The following EBF1 variants were observed in gnomAD, a reference collection of about 807,000 sequenced individuals.
EBF1 encodes the protein EBF transcription factor 1, also known as transcription factor COE1.
A neutral mutation model predicts 68.4 loss-of-function variants in EBF1; 10 were observed. The ratio of observed to expected loss-of-function variants is 0.15; its 90% confidence interval spans 0.09 to 0.25. EBF1 has a LOEUF of 0.25. Among genes scored for constraint, EBF1 ranks in the 10% least tolerant of loss-of-function variants. The pLI, the probability that EBF1 is intolerant of heterozygous loss-of-function variation, is 1.00. For synonymous variants in EBF1, 298 were observed against 299.8 expected (o/e 0.99, Z 0.06); for missense variants, 509 against 794.4 (o/e 0.64, Z 4.32).
chr5:158,959,314 C>T lies in EBF1; in HGVS notation c.554+114082G>A, dbSNP rs1283978266. ...AAGAATTTTTTTTTTTTTTTTGAGA[C>T]GGAGTCTTACTCTGTCACCCTAGTT... On this transcript the variant is annotated intron_variant, in intron 6 of 15. Transcript: ENST00000313708. Among the ~76,000 whole-genome samples the T allele has an allele frequency of 6.5e-5, 9 of 139,522 alleles. 1 individual carries two copies. The highest frequency in any genetic ancestry group is 2.9e-4 in the Admixed American group (4 of 13,806). The allele number at this position is 139,522 out of a possible 152,430, so 91.5% of individuals were successfully genotyped here.
At chr5:158,850,824 T>G (rs897263926) in intron 6 of EBF1, among the ~76,000 whole-genome samples, 1 of 152,010 alleles carries the variant, frequency 6.6e-6, no homozygotes, top group African/African-American at 2.4e-5. Flanking sequence ...CTGACCAACA[T>G]GGTGAAACCC....
At position 158,839,880 on chromosome 5, in the gene EBF1, T is replaced by A. The variant is rs935880928; in HGVS notation, c.636+149A>T. Reference sequence around the variant, plus strand: ...CCCACTCTTCTCTAATCTAAACAACTGCTAGATTGCAGATACCTGGGGGAC... The same window carrying A: ...CCCACTCTTCTCTAATCTAAACAACAGCTAGATTGCAGATACCTGGGGGAC... On this transcript the variant is annotated intron_variant, in intron 7 of 15. Transcript: ENST00000313708. 4.4e-6 allele frequency: 3 copies of A among 689,008 alleles called. No homozygotes were observed. In the African/African-American group the frequency reaches 5.4e-5, roughly 12 times the overall value. 42.7% of individuals were successfully genotyped at this position (689,008 alleles called of 1,614,324 possible).
intron 6 of EBF1, among the ~76,000 whole-genome samples, chr5:159,068,034 A>G (rs1777145187): frequency 6.6e-6 from 1 of 152,146 alleles, no homozygotes; most frequent in African/African-American, 2.4e-5. Flanking sequence ...CATACCCCAC[A>G]CAGCCATTTG....
chr5:158,958,335 C>A (rs372681397), intron 6 of EBF1, among the ~76,000 whole-genome samples: 1 of 152,272 alleles, frequency 6.6e-6, no homozygotes, highest in Admixed American at 6.5e-5. Flanking sequence ...AAGGTTGTGA[C>A]CCACTCCTGT....
At position 158,833,204 on chromosome 5, in the gene EBF1, G is replaced by C. The variant is rs547435619; in HGVS notation, c.636+6825C>G. Reference sequence around the variant, plus strand: ...GACTGTAGTCCCAGCTACTCTGAAGGCTGAGGCAGGAGAATCGCTTGAACC... The same window carrying C: ...GACTGTAGTCCCAGCTACTCTGAAGCCTGAGGCAGGAGAATCGCTTGAACC... On this transcript the variant is annotated intron_variant, in intron 7 of 15. Coordinates refer to ENST00000313708, the MANE Select transcript of EBF1 (RefSeq NM_024007.5). Among the ~76,000 whole-genome samples the C allele has an allele frequency of 2.0e-4, 31 of 151,562 alleles. No homozygotes were observed. In the South Asian group the frequency reaches 5.4e-3, roughly 27 times the overall value.
intron 2 of EBF1, 51 bp from the exon 3 acceptor site, chr5:159,096,457 C>A (rs750701121): frequency 6.3e-7 from 1 of 1,591,980 alleles, no homozygotes; most frequent in Non-Finnish European, 8.6e-7. Flanking sequence ...GAGAGGTCTG[C>A]GTGAGCGAGT....
intron 6 of EBF1, among the ~76,000 whole-genome samples, chr5:158,919,317 A>T (rs1807889084): frequency 6.6e-6 from 1 of 152,012 alleles, no homozygotes. Flanking sequence ...CTTGGGTAAC[A>T]TGTGGTCTAA....
chr5:158,978,335 A>C (rs531305432), intron 6 of EBF1, among the ~76,000 whole-genome samples: 1 of 152,348 alleles, frequency 6.6e-6, no homozygotes, highest in Admixed American at 6.5e-5. Context: ...TTAAAAACCC[A>C]ATCACGACAT....
chr5:158,912,668 G>A (rs1806267024), intron 6 of EBF1, among the ~76,000 whole-genome samples: 1 of 152,196 alleles, frequency 6.6e-6, no homozygotes, highest in South Asian at 2.1e-4. Context: ...ACAACTCCAT[G>A]AAGAAGATAG....
At chr5:159,083,493 T>C (rs1254886668) in intron 5 of EBF1, among the ~76,000 whole-genome samples, 1 of 152,250 alleles carries the variant, frequency 6.6e-6, no homozygotes, top group Non-Finnish European at 1.5e-5. Flanking sequence ...AACTCCTATA[T>C]ATTTTAGAAT....
At chr5:158,976,531 A>T (rs1246586671) in intron 6 of EBF1, among the ~76,000 whole-genome samples, 1 of 151,910 alleles carries the variant, frequency 6.6e-6, no homozygotes, top group Non-Finnish European at 1.5e-5. Flanking sequence ...TACAGAAACT[A>T]GAAAAGAAAG....
rs1377439146 is a variant in EBF1 at position 158,696,912 on chromosome 5, TTTTTTTCTTTTTC to T, written c.*2186_*2198del. 153 of 195,718 alleles carry T rather than the reference TTTTTTTCTTTTTC, an allele frequency of 7.8e-4. No homozygotes were observed. Among genetic ancestry groups the T allele is most frequent in the African/African-American group, 3.0e-3 (129 of 43,144 alleles). The allele number at this position is 195,718 out of a possible 1,614,324, so 12.1% of individuals were successfully genotyped here. On this transcript the variant is annotated 3_prime_UTR_variant, in exon 16 of 16. Coordinates refer to ENST00000313708, the MANE Select transcript of EBF1 (RefSeq NM_024007.5). ...CGATTTCTTTGTTTTTTTTTTTTTC[TTTTTTTCTTTTTC>T]TTTTTTCTTAGAATGTTAGTGATGA...
intron 6 of EBF1, among the ~76,000 whole-genome samples, chr5:158,889,645 GC>G (rs1339444294): frequency 3.3e-5 from 5 of 152,148 alleles, no homozygotes; most frequent in African/African-American, 1.2e-4. Context: ...GAGCAGAAAA[GC>G]TTCACAAATT....
rs148552442 is a variant in EBF1, at chr5:158,852,411, G to A, written c.555-12301C>T. Among the ~76,000 whole-genome samples, 344 of 151,926 alleles carry A rather than the reference G, an allele frequency of 2.3e-3. 3 individuals carry two copies. The highest frequency in any genetic ancestry group is 8.0e-3 in the African/African-American group (331 of 41,352). ...ATCCCCCGGCCTCACACATCATTGG[G>A]GATAATGAATTTAATTTGAGCAATG... On this transcript the variant is annotated intron_variant, in intron 6 of 15. Coordinates refer to ENST00000313708, the MANE Select transcript of EBF1 (RefSeq NM_024007.5).
At chr5:158,718,494 G>A (rs146387650) in intron 11 of EBF1, among the ~76,000 whole-genome samples, 228 of 152,284 alleles carry the variant, frequency 1.5e-3, no homozygotes, top group African/African-American at 5.1e-3. Flanking sequence ...TACTGAAGGG[G>A]ATCGTGATGG....
chr5:159,045,378 G>A (rs977269346), intron 6 of EBF1, among the ~76,000 whole-genome samples: 4 of 150,410 alleles, frequency 2.7e-5, no homozygotes, highest in African/African-American at 7.3e-5. Flanking sequence ...TCTCCCCTAC[G>A]TACACCCACT....
chr5:158,768,758 A>G (rs6897889), intron 10 of EBF1, among the ~76,000 whole-genome samples: 11,976 of 152,206 alleles, frequency 0.079, 528 homozygotes, highest in South Asian at 0.11. Flanking sequence ...AAAAGAGGAA[A>G]AGAAATTTAG....
At chr5:159,008,916 T>G (rs1312702725) in intron 6 of EBF1, among the ~76,000 whole-genome samples, 1 of 152,164 alleles carries the variant, frequency 6.6e-6, no homozygotes, top group Non-Finnish European at 1.5e-5. Flanking sequence ...AAAATGGCTT[T>G]TATCAGTTTA....
chr5:158,924,595 A>G (rs1280952594), intron 6 of EBF1, among the ~76,000 whole-genome samples: 1 of 152,054 alleles, frequency 6.6e-6, no homozygotes, highest in Non-Finnish European at 1.5e-5. Flanking sequence ...GTTCACGCCT[A>G]TAATCCCAGC....
Sources: allele counts gnomAD v4.1 joint callset (sites outside exome capture counted in the v4.1 genomes callset), GRCh38; gene constraint gnomAD v4.1.1; transcripts MANE v1.5; gene names NCBI Gene and HGNC (gene_info 2026-07-23, HGNC 2026-07-21).